SH3PXD2B: variants seen among roughly 807,000 people sequenced by gnomAD.
The protein encoded by SH3PXD2B is SH3 and PX domain-containing protein 2B.
Under a neutral mutation model 73.1 loss-of-function variants are expected in SH3PXD2B, and 37 were observed. The ratio of observed to expected loss-of-function variants is 0.51; its 90% CI spans 0.39 to 0.67. The LOEUF (loss-of-function observed/expected upper bound fraction) is 0.67. Among genes scored for constraint, SH3PXD2B ranks in the 30% least tolerant of loss-of-function variants. The pLI is 0.00. For synonymous variants in SH3PXD2B, 457 were observed against 480.5 expected (o/e 0.95, Z 0.64); for missense variants, 1,053 against 1,197.8 (o/e 0.88, Z 1.78).
intron 2 of SH3PXD2B, among the ~76,000 whole-genome samples, chr5:172,414,575 T>C (rs1758777944): frequency 6.6e-6 from 1 of 150,502 alleles, no homozygotes; most frequent in Admixed American, 6.6e-5. Flanking sequence ...GACAAAGGCA[T>C]AGATGGAGAT....
At chr5:172,331,748 T>TC (rs376266636), downstream of SH3PXD2B, among the ~76,000 whole-genome samples, 307 of 152,238 alleles carry the variant, frequency 2.0e-3, no homozygotes, top group African/African-American at 7.2e-3. Context: ...GGTCAGGAGT[T>TC]CGAGACCAGC....
In SH3PXD2B at chr5:172,445,312, G is replaced by A. The variant is rs1181399132; in HGVS notation, c.75+8966C>T. On this transcript the variant is annotated intron_variant, in intron 1 of 12. Coordinates refer to ENST00000311601, the MANE Select transcript of SH3PXD2B (RefSeq NM_001017995.3). This position sits in a 1 kb window ranked among gnomAD's most constrained non-coding sequence, Gnocchi z 5.2. ...CAGCCTCCATCTCCTGGGCTCAAGCGATCTTCCTGCCTCAGCCTCTCAAGT... is the reference window on the plus strand; with the variant it reads ...CAGCCTCCATCTCCTGGGCTCAAGCAATCTTCCTGCCTCAGCCTCTCAAGT... Among the ~76,000 whole-genome samples, 1 of 152,204 alleles carries A rather than the reference G, an allele frequency of 6.6e-6. No homozygotes were observed. Among genetic ancestry groups the A allele is most frequent in the Non-Finnish European group, 1.5e-5 (1 of 68,034 alleles).
intron 1 of SH3PXD2B, among the ~76,000 whole-genome samples, chr5:172,448,772 T>A (rs956646048): frequency 2.8e-4 from 43 of 152,234 alleles, no homozygotes; most frequent in African/African-American, 9.6e-4. Context: ...ATTCGGCCAG[T>A]TGTCCAAGGC....
chr5:172,338,150 G>A lies in SH3PXD2B; in HGVS notation c.*219C>T. On this transcript the variant is annotated 3_prime_UTR_variant, in exon 13 of 13. Transcript: ENST00000311601. This position sits in a 1 kb window ranked among gnomAD's most constrained non-coding sequence, Gnocchi z 5.1. ...CATGGACAGAAAGCAAAGGCTGTGG[G>A]TTCTGAGCCTCCAGTGATGCTGTGA... 6.9e-7 allele frequency: 1 copy of A among 1,444,452 alleles called. No individual in the cohort carries two copies. Among genetic ancestry groups the A allele is most frequent in the Non-Finnish European group, 9.1e-7 (1 of 1,104,722 alleles). The allele number at this position is 1,444,452 out of a possible 1,614,324, so 89.5% of individuals were successfully genotyped here. A position where few individuals can be genotyped will look rare whatever the true frequency, so the allele number is the denominator to read the frequency against.
At chr5:172,406,469 G>T in intron 2 of SH3PXD2B, 117 bp from the exon 3 acceptor site, 1 of 1,202,550 alleles carries the variant, frequency 8.3e-7, no homozygotes, top group Non-Finnish European at 1.2e-6. Context: ...AGTTCACTGC[G>T]TTCAGCTTTC....
Position 172,350,413 on chromosome 5 carries a change from C to T in SH3PXD2B, c.962G>A (p.Arg321Lys), listed in dbSNP as rs1286973597. Reference protein sequence around the residue: ...GREKELLSSQRDGRFEGRPVP... With the variant: ...GREKELLSSQKDGRFEGRPVP... ...CGGGCGGCCTTCAAACCGCCCGTCC[C>T]TCTGGCTGCTGAGCAGCTCCTTCTC... The change falls in exon 10 of 13, where the codon AGG (arginine) becomes AAG (lysine). Residue 321 changes from arginine (R) to lysine (K), a missense_variant. Transcript: ENST00000311601. 1 of 1,614,056 alleles carries T rather than the reference C, an allele frequency of 6.2e-7. No individual in the cohort carries two copies. Among genetic ancestry groups the T allele is most frequent in the South Asian group, 1.1e-5 (1 of 91,076 alleles).
At chr5:172,426,578 A>T (rs2113473066) in intron 1 of SH3PXD2B, among the ~76,000 whole-genome samples, 1 of 152,260 alleles carries the variant, frequency 6.6e-6, no homozygotes, top group South Asian at 2.1e-4. Flanking sequence ...CCCACGGGGA[A>T]TCCTTCCTCT....
At position 172,339,221 on chromosome 5, in the gene SH3PXD2B, A is replaced by C. The variant is rs1364366287; in HGVS notation, c.1884T>G (p.Asp628Glu). ...TCAAGAAGGGATTCTGGGGAGTGGC[A>C]TCTGGCTTCTCCTCTGGCAGGTCAG... ...SKTDLPEEKP[D>E]ATPQNPFLKS... The change falls in exon 13 of 13, where the codon GAT (aspartate) becomes GAG (glutamate). Residue 628 changes from aspartate to glutamate, a missense_variant. Physicochemically the swap from Asp to Glu is conservative, Grantham distance 45. Transcript: ENST00000311601. The surrounding 1 kb of genome is among the most constrained non-coding windows in gnomAD (Gnocchi z 6.1). 2 of 1,614,218 alleles carry C rather than the reference A, an allele frequency of 1.2e-6. No individual in the cohort carries two copies. The highest frequency in any genetic ancestry group is 2.2e-5 in the South Asian group (2 of 91,092).
At chr5:172,444,598 T>C (rs529810539) in intron 1 of SH3PXD2B, among the ~76,000 whole-genome samples, 1 of 152,348 alleles carries the variant, frequency 6.6e-6, no homozygotes, top group African/African-American at 2.4e-5. Flanking sequence ...TTGGAGTTAT[T>C]TAATTGCCCT....
chr5:172,360,401 T>C (rs2569231), intron 7 of SH3PXD2B, among the ~76,000 whole-genome samples: 67,004 of 151,976 alleles, frequency 0.44, 15,192 homozygotes, highest in East Asian at 0.68. Flanking sequence ...AAAGCAGCAG[T>C]GCCAGGATTC....
At chr5:172,436,394 C>G (rs530976525) in intron 1 of SH3PXD2B, among the ~76,000 whole-genome samples, 1 of 152,222 alleles carries the variant, frequency 6.6e-6, no homozygotes, top group Non-Finnish European at 1.5e-5. Context: ...ATACAGGGCC[C>G]GGGCTCCTTC....
At chr5:172,402,405 T>C (rs561393433) in intron 3 of SH3PXD2B, among the ~76,000 whole-genome samples, 3 of 152,336 alleles carry the variant, frequency 2.0e-5, no homozygotes, top group South Asian at 4.1e-4. Flanking sequence ...CCATTTGCCT[T>C]GTGATATTTT....
intron 1 of SH3PXD2B, among the ~76,000 whole-genome samples, chr5:172,444,714 G>T (rs1759623966): frequency 6.6e-6 from 1 of 152,034 alleles, no homozygotes; most frequent in African/African-American, 2.4e-5. Flanking sequence ...GGGGCTCCTG[G>T]GTCTGTCTGT....
chr5:172,339,115 A>G lies in SH3PXD2B; in HGVS notation c.1990T>C (p.Cys664Arg), dbSNP rs758405465. The change falls in exon 13 of 13, where the codon TGC (cysteine) becomes CGC (arginine). Residue 664 changes from cysteine to arginine, a missense_variant. Transcript: ENST00000311601. This position sits in a 1 kb window ranked among gnomAD's most constrained non-coding sequence, Gnocchi z 6.1. ...GGCCTGAGCTTACTCCTGAGGTTGC[A>G]GATGTCGACTTGGTCTTCGCCCTGA... ...PPQGEDQVDI[C>R]NLRSKLRPAK... 3 of 1,614,214 alleles carry G rather than the reference A, an allele frequency of 1.9e-6. No homozygotes were observed. Among genetic ancestry groups the G allele is most frequent in the South Asian group, 1.1e-5 (1 of 91,084 alleles).
Position 172,336,330 on chromosome 5 carries a change from G to A in SH3PXD2B, c.*2039C>T, listed in dbSNP as rs1756690217. 7.1e-6 allele frequency: 7 copies of A among 985,662 alleles called. No individual in the cohort carries two copies. The African/African-American group carries it at 1.0e-4, about 15-fold the overall frequency. The allele number at this position is 985,662 out of a possible 1,614,324, so 61.1% of individuals were successfully genotyped here. ...TCCTCTCAAGGGAGGGGACCCTCAA[G>A]CGGTGGCGGCCCTTCCCCACCTCCC... On this transcript the variant is annotated 3_prime_UTR_variant, in exon 13 of 13. Transcript: ENST00000311601.
chr5:172,348,691 C>CTTATCT (rs1395292775), intron 10 of SH3PXD2B, among the ~76,000 whole-genome samples: 1 of 40,398 alleles, frequency 2.5e-5, no homozygotes, highest in Admixed American at 2.8e-4. Flanking sequence ...ATCTATCTAT[C>CTTATCT]TATCTATCTA....
intron 7 of SH3PXD2B, among the ~76,000 whole-genome samples, chr5:172,359,387 CAAAA>C (rs70982393): frequency 1.2e-5 from 1 of 84,086 alleles, no homozygotes; most frequent in Non-Finnish European, 2.2e-5. Context: ...ACCCCCATCT[CAAAA>C]AAAAAAAAAA....
intron 1 of SH3PXD2B, among the ~76,000 whole-genome samples, chr5:172,428,194 G>A (rs1759146406): frequency 6.6e-6 from 1 of 152,204 alleles, no homozygotes; most frequent in Non-Finnish European, 1.5e-5. Flanking sequence ...CTGCACATCT[G>A]AGAAACAACT....
chr5:172,422,491 G>A lies in SH3PXD2B; in HGVS notation c.81C>T (p.Tyr27=). The A allele has an allele frequency of 6.2e-7, 1 of 1,611,518 alleles. No homozygotes were observed. The highest frequency in any genetic ancestry group is 8.5e-7 in the Non-Finnish European group (1 of 1,179,428). Residue 27 remains tyrosine, a synonymous_variant, in exon 2 of 13, where the codon TAC becomes TAT. Transcript: ENST00000311601. ...KRRVPNKHYV[Y]IIRVTWSSGS... Reference sequence around the variant, plus strand: ...CGCTGGACCACGTGACCCGGATGATGTAGACCTGCGGGAGCAACAGAGGAG... The same window carrying A: ...CGCTGGACCACGTGACCCGGATGATATAGACCTGCGGGAGCAACAGAGGAG...
Sources: gnomAD v4.1 joint callset for allele counts (sites outside exome capture counted in the v4.1 genomes callset) on GRCh38, gnomAD v4.1.1 for gene constraint, Gnocchi (gnomAD v3.1) non-coding constraint, MANE v1.5 for transcripts, NCBI Gene and HGNC (gene_info 2026-07-23, HGNC 2026-07-21) for gene names.